Variants in CDK5RAP3 observed in about 807,000 individuals in gnomAD.
The protein encoded by CDK5RAP3 is CDK5 regulatory subunit-associated protein 3.
A neutral mutation model predicts 73.3 loss-of-function variants in CDK5RAP3; 58 were observed. That is an observed-to-expected ratio of 0.79 (90% CI 0.64 to 0.98). CDK5RAP3 has a LOEUF of 0.98. CDK5RAP3 is among the 50% of genes least tolerant of loss of function. The pLI is 0.00. For synonymous variants in CDK5RAP3, 224 were observed against 247.5 expected (o/e 0.91, Z 0.89); for missense variants, 525 against 615.8 (o/e 0.85, Z 1.56).
upstream of CDK5RAP3, among the ~76,000 whole-genome samples, chr17:47,969,581 A>G (rs1014579972): frequency 5.1e-5 from 7 of 138,250 alleles, no homozygotes; most frequent in South Asian, 9.0e-4. Flanking sequence ...AAAAAAAAAA[A>G]AAAGAAAAGG....
rs555677884 is a variant in CDK5RAP3 at position 47,976,775 on chromosome 17, G to C, written c.862G>C (p.Glu288Gln). ...GGGGACTGACTCTGGCATCTCTGCCGAGGCTGCTGGAATCGACTGGGGCAT... is the reference window on the plus strand; with the variant it reads ...GGGGACTGACTCTGGCATCTCTGCCCAGGCTGCTGGAATCGACTGGGGCAT... ...SEGTDSGISA[E>Q]AAGIDWGIFP... The change falls in exon 9 of 14, where the codon GAG (glutamate) becomes CAG (glutamine). Residue 288 changes from glutamate to glutamine, a missense_variant. Transcript: ENST00000338399. 1 of 1,612,062 alleles carries C rather than the reference G, an allele frequency of 6.2e-7. No homozygotes were observed. The highest frequency in any genetic ancestry group is 2.2e-5 in the East Asian group (1 of 44,840).
Position 47,976,038 on chromosome 17 carries a change from G to A in CDK5RAP3, c.798+25G>A, listed in dbSNP as rs184541279. ...GGTAAGATGGGCCTTGTGATGAGCT[G>A]TAGGAGTGGAGTGGGAGCTGCTTGT... On this transcript the variant is annotated intron_variant, in intron 8 of 13. Coordinates refer to ENST00000338399, the MANE Select transcript of CDK5RAP3 (RefSeq NM_176096.3). 8.1e-6 allele frequency: 13 copies of A among 1,608,058 alleles called. No homozygotes were observed. The African/African-American group carries it at 1.6e-4, about 20-fold the overall frequency.
rs752487753 is a variant in CDK5RAP3, at chr17:47,975,556, C to A, written c.556C>A (p.Leu186Met). 1 of 1,611,312 alleles carries A rather than the reference C, an allele frequency of 6.2e-7. No individual in the cohort carries two copies. Among genetic ancestry groups the A allele is most frequent in the South Asian group, 1.1e-5 (1 of 91,084 alleles). The change falls in exon 7 of 14, where the codon CTG (leucine) becomes ATG (methionine). Residue 186 changes from leucine to methionine, a missense_variant. Transcript: ENST00000338399. Reference sequence around the variant, plus strand: ...AGAACTGCTGGCCCTGGTGAAGGACCTGCCGAGTCAGCTGGCTGAGATTGG... The same window carrying A: ...AGAACTGCTGGCCCTGGTGAAGGACATGCCGAGTCAGCTGGCTGAGATTGG... ...RGELLALVKD[L>M]PSQLAEIGAA...
At position 47,975,629 on chromosome 17, in the gene CDK5RAP3, C is replaced by T. The variant is rs767040825; in HGVS notation, c.629C>T (p.Ala210Val). 28 of 1,604,074 alleles carry T rather than the reference C, an allele frequency of 1.7e-5. No homozygotes were observed. The highest frequency in any genetic ancestry group is 2.2e-5 in the East Asian group (1 of 44,830). The change falls in exon 7 of 14, where the codon GCG becomes GTG. Residue 210 changes from alanine to valine, a missense_variant. Ala to Val is a moderately conservative substitution (Grantham distance 64, BLOSUM62 0). Around this residue, in one of 2 missense-constraint regions of CDK5RAP3, gnomAD observed 409 missense variants for 429.8 expected, o/e 0.95. Coordinates refer to ENST00000338399, the MANE Select transcript of CDK5RAP3 (RefSeq NM_176096.3). Reference protein sequence around the residue: ...SLGEAIDVYQASVGFVCESPT... With the variant: ...SLGEAIDVYQVSVGFVCESPT... ...GGGGAAGCCATTGACGTGTACCAGG[C>T]GTCTGTGGGGTTTGTGTGTGAGAGG...
chr17:47,976,646 GA>G, intron 8 of CDK5RAP3, 65 bp from the exon 9 acceptor site: 2 of 1,111,534 alleles, frequency 1.8e-6, no homozygotes, highest in Non-Finnish European at 2.7e-6. Flanking sequence ...TTACAGACAT[GA>G]GCCACCATGC....
chr17:47,974,426 T>C lies in CDK5RAP3; in HGVS notation c.312T>C (p.Tyr104=). The C allele has an allele frequency of 6.2e-7, 1 of 1,614,116 alleles. No homozygotes were observed. The highest frequency in any genetic ancestry group is 8.5e-7 in the Non-Finnish European group (1 of 1,179,942). The stretch of plus-strand genomic sequence containing the variant: ...ATTGGCAGGAGATTATAGCTCTGTA[T>C]GAGAAGGACAACACCTACTTAGGTA... The part of the protein sequence containing the change: ...MKDWQEIIAL[Y]EKDNTYLVEL... Residue 104 remains tyrosine (Y), a synonymous_variant, in exon 5 of 14, where the codon TAT becomes TAC. Coordinates refer to ENST00000338399, the MANE Select transcript of CDK5RAP3 (RefSeq NM_176096.3).
chr17:47,969,579 A>G (rs1233160554), upstream of CDK5RAP3, among the ~76,000 whole-genome samples: 4 of 148,718 alleles, frequency 2.7e-5, no homozygotes, highest in East Asian at 2.0e-4. Flanking sequence ...AAAAAAAAAA[A>G]AAAAAGAAAA....
chr17:47,976,025 C>T lies in CDK5RAP3; in HGVS notation c.798+12C>T, dbSNP rs752664351. On this transcript the variant is annotated intron_variant, in intron 8 of 13. Transcript: ENST00000338399. ...TGGCAGAAGATGCGGTAAGATGGGC[C>T]TTGTGATGAGCTGTAGGAGTGGAGT... The T allele has an allele frequency of 1.1e-5, 17 of 1,613,154 alleles. No homozygotes were observed. In the Admixed American group the frequency reaches 2.0e-4, roughly 19 times the overall value.
At chr17:47,969,863 C>G (rs2525083), upstream of CDK5RAP3, among the ~76,000 whole-genome samples, 32,287 of 152,144 alleles carry the variant, frequency 0.21, 3,884 homozygotes, top group East Asian at 0.52. Flanking sequence ...CCCCTCCTCC[C>G]CAACACCTGC....
chr17:47,974,262 CA>C (rs1402101095), intron 4 of CDK5RAP3, 137 bp from the exon 5 acceptor site: 1 of 859,566 alleles, frequency 1.2e-6, no homozygotes, highest in East Asian at 2.4e-5. Context: ...GTCCAGCCAG[CA>C]GAGTTGAAAG....
chr17:47,971,200 A>C, intron 1 of CDK5RAP3, 48 bp downstream of exon 1: 1 of 1,530,932 alleles, frequency 6.5e-7, no homozygotes, highest in Non-Finnish European at 8.8e-7. Context: ...GCGGACCCCT[A>C]ACCTGTGTCT....
rs1246478010 is a variant in CDK5RAP3, at chr17:47,971,347, C to T, written c.7-15C>T. On this transcript the variant is annotated splice_polypyrimidine_tract_variant and intron_variant, in intron 1 of 13. Coordinates refer to ENST00000338399, the MANE Select transcript of CDK5RAP3 (RefSeq NM_176096.3). ...TCCGCGCTCACGCCCCCCTCCTCACCGTGTTTCCCGCCAGGACCATCAGCA... is the reference window on the plus strand; with the variant it reads ...TCCGCGCTCACGCCCCCCTCCTCACTGTGTTTCCCGCCAGGACCATCAGCA... 3.1e-6 allele frequency: 5 copies of T among 1,609,080 alleles called. No individual in the cohort carries two copies. The highest frequency in any genetic ancestry group is 2.2e-5 in the South Asian group (2 of 89,918).
At chr17:47,975,837 G>T (rs200409765) in intron 7 of CDK5RAP3, 32 bp from the exon 8 acceptor site, 2 of 1,613,488 alleles carry the variant, frequency 1.2e-6, no homozygotes, top group African/African-American at 2.7e-5. Flanking sequence ...ACGCATGGTC[G>T]GCAGGAGAGT....
Position 47,974,404 on chromosome 17 carries a change from G to T in CDK5RAP3, c.290G>T (p.Trp97Leu). Residue 97 changes from tryptophan to leucine, a missense_variant, in exon 5 of 14, where the codon TGG (tryptophan) becomes TTG (leucine). By Grantham distance (61) the Trp-to-Leu change is moderately conservative (BLOSUM62 -2). This residue lies in a region of CDK5RAP3 where 409 missense variants were observed against 429.8 expected (regional missense o/e 0.95). Transcript: ENST00000338399. Reference protein sequence around the residue: ...GRYSSQRMKDWQEIIALYEKD... With the variant: ...GRYSSQRMKDLQEIIALYEKD... ...TGTTTTTCTGTTCTTACTCAGGATT[G>T]GCAGGAGATTATAGCTCTGTATGAG... is the stretch of plus-strand genomic sequence containing the variant. 1 of 1,613,718 alleles carries T rather than the reference G, an allele frequency of 6.2e-7. No homozygotes were observed. Among genetic ancestry groups the T allele is most frequent in the Non-Finnish European group, 8.5e-7 (1 of 1,179,614 alleles).
At chr17:47,979,098 C>T in intron 11 of CDK5RAP3, 181 bp downstream of exon 11, 2 of 591,402 alleles carry the variant, frequency 3.4e-6, no homozygotes, top group Non-Finnish European at 6.1e-6. Context: ...CAGGTACCTC[C>T]TAGGCACCTG....
chr17:47,980,502 A>G, intron 11 of CDK5RAP3, 91 bp from the exon 12 acceptor site: 1 of 1,164,474 alleles, frequency 8.6e-7, no homozygotes, highest in Non-Finnish European at 1.3e-6. Context: ...CCTGGCCTCA[A>G]GCGATCCTCC....
chr17:47,974,778 A>G, intron 5 of CDK5RAP3: 1 of 1,228,112 alleles, frequency 8.1e-7, no homozygotes, highest in Non-Finnish European at 1.0e-6. Context: ...TACACAAGGC[A>G]GAAGAGGCAC....
At chr17:47,973,829 A>G (rs529721585) in intron 3 of CDK5RAP3, 102 bp from the exon 4 acceptor site, 5 of 1,179,396 alleles carry the variant, frequency 4.2e-6, no homozygotes, top group Non-Finnish European at 6.2e-6. Context: ...GCTACACACT[A>G]AAGTTACTGG....
intron 10 of CDK5RAP3, among the ~76,000 whole-genome samples, chr17:47,978,338 G>A (rs1386103329): frequency 6.6e-6 from 1 of 151,924 alleles, no homozygotes; most frequent in Non-Finnish European, 1.5e-5. Context: ...CCCAAATGCT[G>A]GGATTATAGG....
Sources: allele counts gnomAD v4.1 joint callset (sites outside exome capture counted in the v4.1 genomes callset), GRCh38; gene constraint gnomAD v4.1.1; regional missense constraint gnomAD v4.1.1; transcripts MANE v1.5; gene names NCBI Gene and HGNC (gene_info 2026-07-23, HGNC 2026-07-21).